Variants in FOXP1 observed in about 807,000 individuals in gnomAD.
FOXP1 encodes the protein forkhead box P1.
In FOXP1, 15 loss-of-function variants were observed where a neutral mutation model predicts 98.2. The ratio of observed to expected loss-of-function variants is 0.15; its 90% CI spans 0.10 to 0.24. The LOEUF (loss-of-function observed/expected upper bound fraction) is 0.24, where lower values mean the gene tolerates loss of function less well. FOXP1 is among the 10% of genes least tolerant of loss of function. The pLI is 1.00. For missense variants in FOXP1, 633 were observed against 848.5 expected, an observed-to-expected ratio of 0.75 and a Z score of 3.15; for synonymous variants, 371 against 314.5, an observed-to-expected ratio of 1.18 and a Z score of -1.90.
intron 3 of FOXP1, among the ~76,000 whole-genome samples, chr3:71,409,659 A>C (rs1269378141): frequency 6.6e-6 from 1 of 152,038 alleles, no homozygotes; most frequent in Non-Finnish European, 1.5e-5. Context: ...AAAAACCTGG[A>C]AGTAAAAGTA....
chr3:71,171,669 C>G (rs967288526), intron 6 of FOXP1, among the ~76,000 whole-genome samples: 5 of 152,248 alleles, frequency 3.3e-5, no homozygotes, highest in Admixed American at 3.3e-4. Flanking sequence ...GTCCTTCATA[C>G]TTGCAACCAA....
intron 5 of FOXP1, among the ~76,000 whole-genome samples, chr3:71,291,652 C>G (rs1484499192): frequency 6.6e-6 from 1 of 151,910 alleles, no homozygotes; most frequent in Non-Finnish European, 1.5e-5. Flanking sequence ...CACATAAAAT[C>G]CTTACCACAT....
chr3:71,174,670 T>G (rs1327843767), intron 6 of FOXP1, among the ~76,000 whole-genome samples: 1 of 152,100 alleles, frequency 6.6e-6, no homozygotes, highest in Non-Finnish European at 1.5e-5. Context: ...CTGTCTGAGC[T>G]TAGTTTCTTC....
At chr3:71,429,370 C>CT (rs1275677032) in intron 3 of FOXP1, among the ~76,000 whole-genome samples, 2 of 150,670 alleles carry the variant, frequency 1.3e-5, no homozygotes, top group Non-Finnish European at 3.0e-5. Context: ...CTGAGAAACA[C>CT]TTTTTTTTTC....
chr3:71,262,042 G>A (rs779044585), intron 5 of FOXP1, among the ~76,000 whole-genome samples: 16 of 151,666 alleles, frequency 1.1e-4, no homozygotes, highest in Admixed American at 2.6e-4. Context: ...CCGAGGCGGC[G>A]GGATCACGAG....
chr3:70,967,687 G>GTTTTTTTTTTTTTTTTTTTTTTT (rs67711426), intron 19 of FOXP1, among the ~76,000 whole-genome samples: 2 of 61,358 alleles, frequency 3.3e-5, no homozygotes, highest in Admixed American at 2.2e-4. Flanking sequence ...ACTATTATTT[G>GTTTTTTTTTTTTTTTTTTTTTTT]TTTTTTTTTT....
chr3:71,051,096 A>G (rs2049825552), intron 9 of FOXP1, among the ~76,000 whole-genome samples: 1 of 152,234 alleles, frequency 6.6e-6, no homozygotes, highest in Non-Finnish European at 1.5e-5. Context: ...TTAGAAAAAC[A>G]GCCAGCAAAA....
At chr3:71,403,759 C>T (rs2082101539) in intron 3 of FOXP1, among the ~76,000 whole-genome samples, 1 of 151,968 alleles carries the variant, frequency 6.6e-6, no homozygotes, top group Admixed American at 6.6e-5. Context: ...GCTGAGGTGG[C>T]AAGATTGTTT....
At chr3:71,523,059 C>T (rs2107469208) in intron 2 of FOXP1, among the ~76,000 whole-genome samples, 1 of 152,182 alleles carries the variant, frequency 6.6e-6, no homozygotes, top group East Asian at 1.9e-4. Flanking sequence ...GGGGTGGGAC[C>T]CTAATCCAAT....
chr3:70,985,212 T>C (rs965883256), intron 14 of FOXP1, among the ~76,000 whole-genome samples: 1 of 152,194 alleles, frequency 6.6e-6, no homozygotes, highest in African/African-American at 2.4e-5. Context: ...TGTTTCAAAT[T>C]AAAGATTCTA....
At chr3:70,987,812 A>C (rs1365899569) in intron 14 of FOXP1, among the ~76,000 whole-genome samples, 182 bp downstream of exon 14, 3 of 152,212 alleles carry the variant, frequency 2.0e-5, no homozygotes, top group Non-Finnish European at 2.9e-5. Flanking sequence ...TATCTCCCCA[A>C]ATGCCTAGCA....
intron 6 of FOXP1, among the ~76,000 whole-genome samples, chr3:71,123,930 T>C (rs2058964068): frequency 6.6e-6 from 1 of 152,166 alleles, no homozygotes; most frequent in South Asian, 2.1e-4. Context: ...ATTATTTATT[T>C]TTTCACAATG....
At chr3:71,209,370 T>C (rs1314292100) in intron 5 of FOXP1, among the ~76,000 whole-genome samples, 1 of 152,220 alleles carries the variant, frequency 6.6e-6, no homozygotes, top group East Asian at 1.9e-4. Context: ...GAATCTTTAA[T>C]GTTTCATCCA....
chr3:71,424,238 C>G (rs2108346042), intron 3 of FOXP1, among the ~76,000 whole-genome samples: 1 of 152,328 alleles, frequency 6.6e-6, no homozygotes, highest in African/African-American at 2.4e-5. Flanking sequence ...ACCAGGCAAA[C>G]AGAGGCATCA....
chr3:71,020,832 C>T (rs1281596358), intron 11 of FOXP1, among the ~76,000 whole-genome samples: 3 of 152,132 alleles, frequency 2.0e-5, no homozygotes, highest in Non-Finnish European at 4.4e-5. Context: ...TTTTCCTCCT[C>T]TCCAAATTTC....
At chr3:71,337,545 C>T (rs2076759360) in intron 4 of FOXP1, among the ~76,000 whole-genome samples, 1 of 152,184 alleles carries the variant, frequency 6.6e-6, no homozygotes, top group Non-Finnish European at 1.5e-5. Context: ...AAATACATTA[C>T]ATAGCTATAC....
intron 5 of FOXP1, among the ~76,000 whole-genome samples, chr3:71,237,843 G>A (rs13068789): frequency 6.6e-6 from 1 of 152,152 alleles, no homozygotes; most frequent in Non-Finnish European, 1.5e-5. Context: ...TCAAAGGGAA[G>A]GAGACAGCAC....
intron 5 of FOXP1, among the ~76,000 whole-genome samples, chr3:71,282,670 A>G (rs984918983): frequency 6.6e-5 from 10 of 152,318 alleles, no homozygotes; most frequent in Non-Finnish European, 1.0e-4. Context: ...AAAGCTAACA[A>G]GTAGCAAGAC....
At chr3:71,061,022 A>G (rs1162447913) in intron 7 of FOXP1, among the ~76,000 whole-genome samples, 1 of 152,178 alleles carries the variant, frequency 6.6e-6, no homozygotes, top group Non-Finnish European at 1.5e-5. Flanking sequence ...GTAGAGGCCC[A>G]GATTAGCTCT....
Sources: allele counts gnomAD v4.1 joint callset (sites outside exome capture counted in the v4.1 genomes callset), GRCh38; gene constraint gnomAD v4.1.1; transcripts MANE v1.5; gene names NCBI Gene and HGNC (gene_info 2026-07-23, HGNC 2026-07-21).